CRB1: variants seen among roughly 807,000 people sequenced by gnomAD.
CRB1 encodes the protein protein crumbs homolog 1.
A neutral mutation model predicts 120.0 loss-of-function variants in CRB1; 83 were observed. That is an observed-to-expected ratio of 0.69 (90% CI 0.58 to 0.83). The LOEUF is 0.83. Among genes scored for constraint, CRB1 ranks in the 40% least tolerant of loss-of-function variants. The pLI is 0.00. For missense variants in CRB1, 1,699 were observed against 1,687.6 expected, an observed-to-expected ratio of 1.01 and a Z score of -0.12; for synonymous variants, 625 against 612.5, an observed-to-expected ratio of 1.02 and a Z score of -0.30.
intron 4 of CRB1, among the ~76,000 whole-genome samples, chr1:197,349,121 C>G (rs2125336328): frequency 6.6e-6 from 1 of 152,114 alleles, no homozygotes; most frequent in South Asian, 2.1e-4. Flanking sequence ...TTTATTGTAC[C>G]TTTTGTATGT....
chr1:197,337,016 T>A (rs78128456), intron 2 of CRB1, among the ~76,000 whole-genome samples: 3,293 of 152,180 alleles, frequency 0.022, 124 homozygotes, highest in African/African-American at 0.074. Flanking sequence ...TTTGGAAAGG[T>A]GTTGCTATGA....
intron 11 of CRB1, among the ~76,000 whole-genome samples, chr1:197,452,425 C>G (rs1666017165): frequency 1.3e-5 from 2 of 152,084 alleles, no homozygotes; most frequent in Admixed American, 1.3e-4. Flanking sequence ...TATCAATTGT[C>G]ATTATATAGG....
chr1:197,473,824 AT>A (rs1667086814), intron 11 of CRB1, among the ~76,000 whole-genome samples: 1 of 151,204 alleles, frequency 6.6e-6, no homozygotes, highest in African/African-American at 2.4e-5. Flanking sequence ...AGTGCCGTAT[AT>A]TTTAAGCACA....
In CRB1 at chr1:197,381,076, C is replaced by G. The variant is rs373180537; in HGVS notation, c.1171+24063C>G. Reference sequence around the variant, plus strand: ...TGAATTATTACTCTTAGATCCTGAACAATCATTAATTAATACCATCTTTGT... The same window carrying G: ...TGAATTATTACTCTTAGATCCTGAAGAATCATTAATTAATACCATCTTTGT... On this transcript the variant is annotated intron_variant, in intron 5 of 11. Coordinates refer to ENST00000367400, the MANE Select transcript of CRB1 (RefSeq NM_201253.3). Among the ~76,000 whole-genome samples, 4 of 152,290 alleles carry G rather than the reference C, an allele frequency of 2.6e-5. No individual in the cohort carries two copies. In the East Asian group the frequency reaches 7.7e-4, roughly 29 times the overall value.
chr1:197,221,410 AT>A, the CRB1 span, among the ~76,000 whole-genome samples: 2 of 152,348 alleles, frequency 1.3e-5, no homozygotes, highest in South Asian at 4.1e-4. Context: ...TGTTCAAACC[AT>A]ACCTCATCAC....
chr1:197,468,128 T>A (rs140621176), intron 11 of CRB1, among the ~76,000 whole-genome samples: 9 of 152,262 alleles, frequency 5.9e-5, no homozygotes, highest in Non-Finnish European at 8.8e-5. Flanking sequence ...AGCAATTGGA[T>A]CATGGTGATT....
chr1:197,288,506 A>G (rs1655967591), intron 1 of CRB1, among the ~76,000 whole-genome samples: 2 of 151,892 alleles, frequency 1.3e-5, no homozygotes, highest in South Asian at 4.1e-4. Context: ...GACCCAAATG[A>G]GGAGAAAAAT....
intron 1 of CRB1, 60 bp downstream of exon 1, chr1:197,268,542 A>G: frequency 8.4e-7 from 1 of 1,187,552 alleles, no homozygotes; most frequent in Non-Finnish European, 1.3e-6. Context: ...TATATTTCTT[A>G]CAAATAATGG....
intron 2 of CRB1, among the ~76,000 whole-genome samples, chr1:197,335,802 C>G (rs145134468): frequency 6.6e-6 from 1 of 152,188 alleles, no homozygotes; most frequent in Non-Finnish European, 1.5e-5. Context: ...CGGCCCCTAT[C>G]AAGTTTTAAC....
chr1:197,330,126 C>A lies in CRB1; in HGVS notation c.652+1123C>A, dbSNP rs566995610. 9.2e-4 allele frequency among the ~76,000 whole-genome samples: 140 copies of A among 152,272 alleles called. 1 individual carries two copies. Among genetic ancestry groups the A allele is most frequent in the Non-Finnish European group, 1.6e-3 (109 of 68,024 alleles). On this transcript the variant is annotated intron_variant, in intron 2 of 11. Coordinates refer to ENST00000367400, the MANE Select transcript of CRB1 (RefSeq NM_201253.3). ...AAAACTATATATTTTATAAAATAGA[C>A]ACATTCCTAGTTGCTCTAAAATGAA...
intron 4 of CRB1, among the ~76,000 whole-genome samples, chr1:197,353,914 A>G (rs1660263355): frequency 1.3e-5 from 2 of 150,010 alleles, no homozygotes; most frequent in African/African-American, 4.9e-5. Flanking sequence ...TGTGCATCCT[A>G]CTAAATTTAC....
the CRB1 span, among the ~76,000 whole-genome samples, chr1:197,218,579 A>G: frequency 6.6e-5 from 10 of 152,206 alleles, no homozygotes; most frequent in Non-Finnish European, 8.8e-5. Flanking sequence ...GTGGAGGTCA[A>G]TGAAGTTGGA....
At chr1:197,247,171 C>A in the CRB1 span, among the ~76,000 whole-genome samples, 1 of 151,968 alleles carries the variant, frequency 6.6e-6, no homozygotes. Context: ...TTGGTTAGTG[C>A]AAAATTTTTT....
chr1:197,213,640 A>C, the CRB1 span, among the ~76,000 whole-genome samples: 1 of 152,186 alleles, frequency 6.6e-6, no homozygotes, highest in African/African-American at 2.4e-5. Flanking sequence ...GGCCACAAAC[A>C]AATCTTTTAA....
chr1:197,440,020 T>G (rs935872187), intron 10 of CRB1: 6 of 152,224 alleles, frequency 3.9e-5, no homozygotes, highest in Non-Finnish European at 7.3e-5. Flanking sequence ...GAGATAGCCT[T>G]GAGTCACATT....
At chr1:197,416,015 G>C (rs1220809190) in intron 5 of CRB1, among the ~76,000 whole-genome samples, 1 of 152,094 alleles carries the variant, frequency 6.6e-6, no homozygotes, top group African/African-American at 2.4e-5. Flanking sequence ...GACCTTCCCA[G>C]CCAGGCCTGA....
intron 5 of CRB1, among the ~76,000 whole-genome samples, chr1:197,379,992 T>C (rs1174894174): frequency 1.3e-5 from 2 of 152,258 alleles, no homozygotes; most frequent in African/African-American, 4.8e-5. Flanking sequence ...GTTTCTTTCA[T>C]ATTCTTTAAT....
chr1:197,299,515 G>C (rs1656740923), intron 1 of CRB1, among the ~76,000 whole-genome samples: 1 of 151,768 alleles, frequency 6.6e-6, no homozygotes, highest in African/African-American at 2.4e-5. Flanking sequence ...ACACACTAAA[G>C]GAAAAATCTT....
chr1:197,270,891 C>CA (rs1327635663), intron 1 of CRB1, among the ~76,000 whole-genome samples: 1 of 152,038 alleles, frequency 6.6e-6, no homozygotes, highest in Non-Finnish European at 1.5e-5. Flanking sequence ...CTGCTTGGAA[C>CA]ATAATAGCAA....
Sources: allele counts gnomAD v4.1 joint callset (sites outside exome capture counted in the v4.1 genomes callset), GRCh38; gene constraint gnomAD v4.1.1; transcripts MANE v1.5; gene names NCBI Gene and HGNC (gene_info 2026-07-23, HGNC 2026-07-21).